STK32B: variants seen among roughly 807,000 people sequenced by gnomAD.
The protein encoded by STK32B is serine/threonine-protein kinase 32B.
A neutral mutation model predicts 52.6 loss-of-function variants in STK32B; 43 were observed. That is an observed-to-expected ratio of 0.82 (90% CI 0.64 to 1.05). The LOEUF (loss-of-function observed/expected upper bound fraction) is 1.05, where lower values mean the gene tolerates loss of function less well. STK32B is among the 50% of genes least tolerant of loss of function. The pLI is 0.00. For synonymous variants in STK32B, 238 were observed against 204.3 expected (o/e 1.17, Z -1.41); for missense variants, 621 against 534.6 (o/e 1.16, Z -1.59).
At chr4:5,198,710 G>T (rs1270331412) in intron 3 of STK32B, among the ~76,000 whole-genome samples, 2 of 152,190 alleles carry the variant, frequency 1.3e-5, no homozygotes, top group East Asian at 3.9e-4. Flanking sequence ...GGCAGATAAA[G>T]GAGGAAGGCG....
chr4:5,416,799 T>C (rs1712200869), intron 5 of STK32B, 46 bp from the exon 6 acceptor site: 1 of 1,570,628 alleles, frequency 6.4e-7, no homozygotes, highest in East Asian at 2.3e-5. Flanking sequence ...ATAACCCAGC[T>C]GCCTGCAGCC....
At chr4:5,433,918 G>A (rs1325015423) in intron 6 of STK32B, among the ~76,000 whole-genome samples, 2 of 152,322 alleles carry the variant, frequency 1.3e-5, no homozygotes, top group African/African-American at 2.4e-5. Flanking sequence ...AAAGAAAGGC[G>A]ATGTCTCATT....
intron 3 of STK32B, among the ~76,000 whole-genome samples, chr4:5,211,763 G>A (rs995038245): frequency 1.3e-5 from 2 of 152,142 alleles, no homozygotes; most frequent in African/African-American, 4.8e-5. Flanking sequence ...TTGCTTCACA[G>A]AGTAAAATGC....
chr4:5,165,108 T>G (rs1317932694), intron 2 of STK32B, among the ~76,000 whole-genome samples: 1 of 152,148 alleles, frequency 6.6e-6, no homozygotes, highest in Non-Finnish European at 1.5e-5. Flanking sequence ...GTGCCTTAGA[T>G]AGCATGAGGT....
At position 5,386,516 on chromosome 4, in the gene STK32B, G is replaced by C. The variant is rs181242430; in HGVS notation, c.435-11691G>C. 1.2e-3 allele frequency among the ~76,000 whole-genome samples: 183 copies of C among 152,300 alleles called. 1 individual carries two copies. Among genetic ancestry groups the C allele is most frequent in the Non-Finnish European group, 2.2e-3 (151 of 68,030 alleles). ...GTGCACATATTTGTAATTTGACCTA[G>C]TAACTGAACATCTCTCAGCCTCATT... is the stretch of plus-strand genomic sequence containing the variant. On this transcript the variant is annotated intron_variant, in intron 4 of 11. Transcript: ENST00000282908. This position sits in a 1 kb window ranked among gnomAD's most constrained non-coding sequence, Gnocchi z 4.5.
chr4:5,154,344 TA>T (rs1717618269), intron 2 of STK32B, among the ~76,000 whole-genome samples: 1 of 151,962 alleles, frequency 6.6e-6, no homozygotes, highest in South Asian at 2.1e-4. Flanking sequence ...GCCTCCCAAG[TA>T]GCTGAGATTA....
intron 3 of STK32B, among the ~76,000 whole-genome samples, chr4:5,239,003 G>A (rs1235428615): frequency 6.6e-6 from 1 of 152,208 alleles, no homozygotes; most frequent in Admixed American, 6.5e-5. Flanking sequence ...CAGAAGACAC[G>A]ACATTTATCT....
intron 3 of STK32B, among the ~76,000 whole-genome samples, chr4:5,247,994 G>A (rs1211002675): frequency 6.6e-6 from 1 of 152,064 alleles, no homozygotes; most frequent in Admixed American, 6.5e-5. Context: ...GGGCAGCCAT[G>A]GGTTAGCTTC....
At chr4:5,074,058 C>T (rs1293076759) in intron 1 of STK32B, among the ~76,000 whole-genome samples, 1 of 151,984 alleles carries the variant, frequency 6.6e-6, no homozygotes, top group Non-Finnish European at 1.5e-5. Flanking sequence ...CATTCTCTCT[C>T]TCCTCCCACA....
chr4:5,099,454 G>GCGCGCGTGCGCGCGCACACGCGCGCACA (rs68114862), intron 1 of STK32B, among the ~76,000 whole-genome samples: 2 of 129,744 alleles, frequency 1.5e-5, no homozygotes, highest in Admixed American at 1.5e-4. Flanking sequence ...GTGTGTGCGC[G>GCGCGCGTGCGCGCGCACACGCGCGCACA]CGCGCGTATG....
intron 3 of STK32B, among the ~76,000 whole-genome samples, chr4:5,281,971 A>G (rs183758020): frequency 5.7e-4 from 87 of 152,174 alleles, no homozygotes; most frequent in Non-Finnish European, 9.4e-4. Flanking sequence ...TTCATTCTTA[A>G]TTTTTTTATT....
intron 1 of STK32B, among the ~76,000 whole-genome samples, chr4:5,062,273 CA>C (rs901001286): frequency 5.3e-5 from 8 of 152,178 alleles, no homozygotes; most frequent in African/African-American, 1.9e-4. Context: ...TCTAACTTGT[CA>C]TTTTAATTAA....
intron 11 of STK32B, among the ~76,000 whole-genome samples, chr4:5,477,477 A>C (rs780753991): frequency 6.6e-6 from 1 of 152,170 alleles, no homozygotes; most frequent in Non-Finnish European, 1.5e-5. Flanking sequence ...CTCAGAGTCC[A>C]TTATTCACCA....
chr4:5,098,782 G>A (rs79888919), intron 1 of STK32B, among the ~76,000 whole-genome samples: 178 of 152,288 alleles, frequency 1.2e-3, no homozygotes, highest in Non-Finnish European at 1.7e-3. Context: ...ATGTACCCTA[G>A]AAACTAAACA....
intron 3 of STK32B, among the ~76,000 whole-genome samples, chr4:5,242,291 T>A (rs1725089487): frequency 6.6e-6 from 1 of 152,242 alleles, no homozygotes; most frequent in Admixed American, 6.5e-5. Flanking sequence ...AGATGGTATC[T>A]CATTGTGGTT....
chr4:5,335,690 G>A (rs937655290), intron 4 of STK32B, among the ~76,000 whole-genome samples: 4 of 151,990 alleles, frequency 2.6e-5, no homozygotes, highest in East Asian at 1.9e-4. Flanking sequence ...CTTTGTTCTC[G>A]TTGGTTTCAA....
At chr4:5,067,442 A>T (rs1434505143) in intron 1 of STK32B, among the ~76,000 whole-genome samples, 2 of 152,146 alleles carry the variant, frequency 1.3e-5, no homozygotes, top group Non-Finnish European at 2.9e-5. Context: ...ACTGCTTTAG[A>T]AAGTGTCTAT....
At chr4:5,296,961 A>G (rs1392115669) in intron 3 of STK32B, among the ~76,000 whole-genome samples, 2 of 152,148 alleles carry the variant, frequency 1.3e-5, no homozygotes, top group Non-Finnish European at 2.9e-5. Flanking sequence ...GAGCTCTTGT[A>G]AGGCAGGCCT....
intron 1 of STK32B, among the ~76,000 whole-genome samples, chr4:5,137,500 G>A (rs1317347841): frequency 6.8e-6 from 1 of 147,866 alleles, no homozygotes; most frequent in Non-Finnish European, 1.5e-5. Context: ...AAAGAGGGAG[G>A]GGAATTGCTC....
Sources: allele counts gnomAD v4.1 joint callset (sites outside exome capture counted in the v4.1 genomes callset), GRCh38; gene constraint gnomAD v4.1.1; non-coding constraint Gnocchi (gnomAD v3.1); transcripts MANE v1.5; gene names NCBI Gene and HGNC (gene_info 2026-07-23, HGNC 2026-07-21).